MCC: variants seen among roughly 807,000 people sequenced by gnomAD.
MCC encodes colorectal mutant cancer protein.
In MCC, 90 loss-of-function variants were observed where a neutral mutation model predicts 116.2. That is an observed-to-expected ratio of 0.77 (90% CI 0.65 to 0.92). MCC has a LOEUF of 0.92. Ranked by LOEUF, MCC falls within the 40% of genes least tolerant of loss-of-function variation. The probability of loss-of-function intolerance (pLI) is 0.00; values close to 1 mark genes in which losing one functional copy is unlikely to be tolerated. For synonymous variants in MCC, 578 were observed against 510.5 expected (o/e 1.13, Z -1.78); for missense variants, 1,516 against 1,312.2 (o/e 1.16, Z -2.40).
chr5:113,041,987 ACT>A (rs948298386), intron 17 of MCC, among the ~76,000 whole-genome samples: 2 of 152,064 alleles, frequency 1.3e-5, no homozygotes, highest in Non-Finnish European at 2.9e-5. Flanking sequence ...ACAGAGCGAG[ACT>A]CTGTCTCAAA....
intron 3 of MCC, among the ~76,000 whole-genome samples, chr5:113,304,457 C>T (rs1263510081): frequency 2.0e-5 from 3 of 152,200 alleles, no homozygotes; most frequent in South Asian, 4.1e-4. Flanking sequence ...CTGCTTCACA[C>T]CCAGCCTAGG....
chr5:113,344,272 C>G (rs1768082460), intron 2 of MCC, among the ~76,000 whole-genome samples: 1 of 152,166 alleles, frequency 6.6e-6, no homozygotes, highest in African/African-American at 2.4e-5. Flanking sequence ...CCCATCCCAG[C>G]AGTCGGAACT....
chr5:113,161,695 C>T (rs1760496754), intron 3 of MCC, among the ~76,000 whole-genome samples: 1 of 150,866 alleles, frequency 6.6e-6, no homozygotes, highest in Non-Finnish European at 1.5e-5. Flanking sequence ...TACACACAGA[C>T]ATGCAATTAC....
At chr5:113,447,833 T>A (rs1482520295) in intron 1 of MCC, among the ~76,000 whole-genome samples, 1 of 145,124 alleles carries the variant, frequency 6.9e-6, no homozygotes, top group Admixed American at 6.9e-5. Context: ...TGTCTGGAAC[T>A]GCCACAGGGC....
intron 1 of MCC, among the ~76,000 whole-genome samples, chr5:113,457,629 G>C (rs182978057): frequency 6.6e-6 from 1 of 152,322 alleles, no homozygotes; most frequent in East Asian, 1.9e-4. Flanking sequence ...GGGCCTTGGA[G>C]AACCTTTATG....
At chr5:113,253,244 G>A (rs987341570) in intron 3 of MCC, among the ~76,000 whole-genome samples, 7 of 152,162 alleles carry the variant, frequency 4.6e-5, no homozygotes, top group African/African-American at 1.7e-4. Flanking sequence ...TAGACGTACA[G>A]AAACTGAAAG....
At chr5:113,457,488 G>C (rs190453) in intron 1 of MCC, among the ~76,000 whole-genome samples, 2 of 151,966 alleles carry the variant, frequency 1.3e-5, no homozygotes, top group African/African-American at 2.4e-5. Flanking sequence ...CCTGCTCCAC[G>C]GCACCCAGTC....
chr5:113,349,437 A>T (rs952657809), intron 2 of MCC, among the ~76,000 whole-genome samples: 4 of 152,118 alleles, frequency 2.6e-5, no homozygotes, highest in Non-Finnish European at 4.4e-5. Context: ...TGAATGAAGC[A>T]CAAAAACCAT....
At position 113,202,174 on chromosome 5, in the gene MCC, T is replaced by C. The variant is rs116071914; in HGVS notation, c.628-50752A>G. ...CTTGCCTTAGACACTTCTGAATGAA[T>C]TGTGATTAACTGATTCAATGTTCAG... On this transcript the variant is annotated intron_variant, in intron 3 of 18. Coordinates refer to ENST00000408903, the MANE Select transcript of MCC (RefSeq NM_001085377.2). Among the ~76,000 whole-genome samples the C allele has an allele frequency of 1.8e-3, 281 of 151,980 alleles. 1 individual carries two copies. Among genetic ancestry groups the C allele is most frequent in the African/African-American group, 6.5e-3 (271 of 41,436 alleles).
chr5:113,167,460 A>C (rs145797979), intron 3 of MCC, among the ~76,000 whole-genome samples: 2 of 152,220 alleles, frequency 1.3e-5, no homozygotes, highest in Non-Finnish European at 2.9e-5. Context: ...TGATTGATAC[A>C]TAAAGGAACA....
At position 113,434,075 on chromosome 5, in the gene MCC, G is replaced by A. The variant is rs557720227; in HGVS notation, c.171-48863C>T. ...CGATGTGGAGCCGCCGGTTGACGTCGGGCTGCAGCATGTGGTAGATGAGGT... is the reference window on the plus strand; with the variant it reads ...CGATGTGGAGCCGCCGGTTGACGTCAGGCTGCAGCATGTGGTAGATGAGGT... On this transcript the variant is annotated intron_variant, in intron 1 of 18. Coordinates refer to ENST00000408903, the MANE Select transcript of MCC (RefSeq NM_001085377.2). The surrounding 1 kb of genome is among the most constrained non-coding windows in gnomAD (Gnocchi z 4.2). 2.5e-5 allele frequency: 40 copies of A among 1,614,118 alleles called. No homozygotes were observed. The South Asian group carries it at 3.1e-4, about 12-fold the overall frequency.
intron 3 of MCC, among the ~76,000 whole-genome samples, chr5:113,296,386 C>T (rs538045508): frequency 5.9e-5 from 9 of 151,986 alleles, no homozygotes; most frequent in African/African-American, 9.7e-5. Flanking sequence ...AAATGAGGAG[C>T]GACTGCAGTT....
intron 3 of MCC, among the ~76,000 whole-genome samples, chr5:113,294,160 T>C (rs1198276200): frequency 2.0e-5 from 3 of 152,102 alleles, no homozygotes; most frequent in Non-Finnish European, 4.4e-5. Flanking sequence ...TGAGTAGCAC[T>C]ACAAGTTAAA....
Position 113,172,023 on chromosome 5 carries a change from G to A in MCC, c.628-20601C>T, listed in dbSNP as rs567708420. 3.7e-4 allele frequency among the ~76,000 whole-genome samples: 57 copies of A among 152,312 alleles called. 1 individual carries two copies. The highest frequency in any genetic ancestry group is 1.3e-3 in the African/African-American group (56 of 41,586). On this transcript the variant is annotated intron_variant, in intron 3 of 18. Coordinates refer to ENST00000408903, the MANE Select transcript of MCC (RefSeq NM_001085377.2). ...TGACTTCAGGTACTATGGGAGCACT[G>A]AGGGGGAAAAGAACTGTTATGTAGG...
At chr5:113,150,909 A>C (rs1759821220) in intron 4 of MCC, among the ~76,000 whole-genome samples, 2 of 152,144 alleles carry the variant, frequency 1.3e-5, no homozygotes. Context: ...AGAAAATACA[A>C]AAATTTAACT....
chr5:113,245,505 A>C (rs1764541030), intron 3 of MCC, among the ~76,000 whole-genome samples: 1 of 152,088 alleles, frequency 6.6e-6, no homozygotes, highest in Admixed American at 6.5e-5. Context: ...AGTCCTTGCC[A>C]CAACCAAGCC....
At chr5:113,243,450 C>T (rs1764454538) in intron 3 of MCC, among the ~76,000 whole-genome samples, 1 of 152,174 alleles carries the variant, frequency 6.6e-6, no homozygotes, top group East Asian at 1.9e-4. Flanking sequence ...ACCACATTCC[C>T]TAAAAGAACA....
intron 3 of MCC, among the ~76,000 whole-genome samples, chr5:113,319,566 G>T (rs546354163): frequency 1.3e-5 from 2 of 152,290 alleles, no homozygotes; most frequent in African/African-American, 4.8e-5. Flanking sequence ...GAAGATGGAA[G>T]GGAGTGATTG....
intron 2 of MCC, among the ~76,000 whole-genome samples, chr5:113,378,541 A>C (rs1769037770): frequency 6.6e-6 from 1 of 152,192 alleles, no homozygotes; most frequent in African/African-American, 2.4e-5. Context: ...ACAACTACGG[A>C]ATTTGATTGA....
Sources: gnomAD v4.1 joint callset for allele counts (sites outside exome capture counted in the v4.1 genomes callset) on GRCh38, gnomAD v4.1.1 for gene constraint, Gnocchi (gnomAD v3.1) non-coding constraint, MANE v1.5 for transcripts, NCBI Gene and HGNC (gene_info 2026-07-23, HGNC 2026-07-21) for gene names.